FBXL3: variants seen among roughly 807,000 people sequenced by gnomAD.
FBXL3 encodes F-box and leucine rich repeat protein 3.
FBXL3 carries 14 observed loss-of-function variants against 37.9 expected under a neutral mutation model. That is an observed-to-expected ratio of 0.37 (90% CI 0.24 to 0.58). The LOEUF (loss-of-function observed/expected upper bound fraction) is 0.58, where lower values mean the gene tolerates loss of function less well. Ranked by LOEUF, FBXL3 falls within the 20% of genes least tolerant of loss-of-function variation. FBXL3 has a pLI of 0.74. For missense variants in FBXL3, 327 were observed against 511.1 expected (o/e 0.64, Z 3.47); for synonymous variants, 194 against 180.1 (o/e 1.08, Z -0.62).
rs942217430 is a variant in FBXL3 at position 77,007,003 on chromosome 13, G to A, written c.*142C>T. On this transcript the variant is annotated 3_prime_UTR_variant, in exon 5 of 5. Transcript: ENST00000355619. Reference sequence around the variant, plus strand: ...ACCAAAACTCATTCATGGGTCTTCCGATAAACAATCTTTACATATACTGAC... The same window carrying A: ...ACCAAAACTCATTCATGGGTCTTCCAATAAACAATCTTTACATATACTGAC... The A allele has an allele frequency of 2.3e-5, 32 of 1,418,530 alleles. No individual in the cohort carries two copies. In the East Asian group the frequency reaches 3.5e-4, roughly 16 times the overall value. 87.9% of individuals were successfully genotyped at this position (1,418,530 alleles called of 1,614,324 possible).
At chr13:77,012,598 CAACTATAGGAAATGA>C (rs1408990140) in intron 4 of FBXL3, among the ~76,000 whole-genome samples, 1 of 151,948 alleles carries the variant, frequency 6.6e-6, no homozygotes, top group African/African-American at 2.4e-5. Flanking sequence ...ACAATTATAA[CAACTATAGGAAATGA>C]AAGAAAATTG....
At chr13:77,009,385 G>A (rs1322303776) in intron 4 of FBXL3, 1 of 152,100 alleles carries the variant, frequency 6.6e-6, no homozygotes. Flanking sequence ...TGGAGTACAG[G>A]GGTGTGATCT....
At position 77,012,583 on chromosome 13, in the gene FBXL3, T is replaced by A. The variant is rs955472955; in HGVS notation, c.643+2826A>T. On this transcript the variant is annotated intron_variant, in intron 4 of 4. Transcript: ENST00000355619. Reference sequence around the variant, plus strand: ...AGGCAAACTAACCTAGAGGTCCAGTTACAGACAATTATAACAACTATAGGA... The same window carrying A: ...AGGCAAACTAACCTAGAGGTCCAGTAACAGACAATTATAACAACTATAGGA... 3.9e-5 allele frequency among the ~76,000 whole-genome samples: 6 copies of A among 152,314 alleles called. No individual in the cohort carries two copies. The East Asian group carries it at 9.6e-4, about 24-fold the overall frequency.
At position 77,006,918 on chromosome 13, in the gene FBXL3, A is replaced by G. The variant is rs914723333; in HGVS notation, c.*227T>C. 6.6e-6 allele frequency: 9 copies of G among 1,360,008 alleles called. No homozygotes were observed. The highest frequency in any genetic ancestry group is 8.5e-6 in the Non-Finnish European group (9 of 1,059,160). The allele number at this position is 1,360,008 out of a possible 1,614,324, so 84.2% of individuals were successfully genotyped here. On this transcript the variant is annotated 3_prime_UTR_variant, in exon 5 of 5. Transcript: ENST00000355619. ...ACTGGTTATTTCACATCCGAACCAC[A>G]TTAAAAAAAATTCGGAGATATGACT...
chr13:77,017,656 C>T (rs1393857855), intron 3 of FBXL3: 1 of 152,106 alleles, frequency 6.6e-6, no homozygotes, highest in Non-Finnish European at 1.5e-5. Context: ...ATCAGATTCT[C>T]CTGCCCATTT....
In FBXL3 at chr13:77,005,773, G is replaced by A. The variant is rs972612886; in HGVS notation, c.*1372C>T. 1 of 152,024 alleles carries A rather than the reference G, an allele frequency of 6.6e-6. No individual in the cohort carries two copies. The highest frequency in any genetic ancestry group is 1.5e-5 in the Non-Finnish European group (1 of 67,954). The allele number at this position is 152,024 out of a possible 1,614,324, so 9.4% of individuals were successfully genotyped here. ...AAAAGTCACACCACTGAAAAGAGCC[G>A]CTTTAAGAATTAATGTATTCCACCG... On this transcript the variant is annotated 3_prime_UTR_variant, in exon 5 of 5. Transcript: ENST00000355619.
chr13:77,023,833 C>T (rs901104243), intron 1 of FBXL3, among the ~76,000 whole-genome samples: 4 of 152,194 alleles, frequency 2.6e-5, no homozygotes, highest in African/African-American at 9.7e-5. Context: ...CAGACTTTCT[C>T]CACCCAGTAC....
At chr13:77,022,457 GA>G (rs1329780579) in intron 1 of FBXL3, among the ~76,000 whole-genome samples, 1 of 152,138 alleles carries the variant, frequency 6.6e-6, no homozygotes. Flanking sequence ...ATAGGAGTGA[GA>G]ATCTTATTGT....
rs2034430488 is a variant in FBXL3 at position 77,005,271 on chromosome 13, C to G, written c.*1874G>C. On this transcript the variant is annotated 3_prime_UTR_variant, in exon 5 of 5. Transcript: ENST00000355619. ...AAGTAAAATACAACAGCATTAGTAA[C>G]TTTTTATTCTCAAAGTGATAAAAGC... is the stretch of plus-strand genomic sequence containing the variant. 2 of 152,440 alleles carry G rather than the reference C, an allele frequency of 1.3e-5. No individual in the cohort carries two copies. Among genetic ancestry groups the G allele is most frequent in the Non-Finnish European group, 2.9e-5 (2 of 67,950 alleles). The allele number at this position is 152,440 out of a possible 1,614,324, so 9.4% of individuals were successfully genotyped here.
intron 4 of FBXL3, 55 bp from the exon 5 acceptor site, chr13:77,007,843 A>T (rs1373722126): frequency 3.4e-6 from 5 of 1,469,446 alleles, no homozygotes; most frequent in Non-Finnish European, 4.6e-6. Flanking sequence ...ATCTGTTGAA[A>T]AATTCAATCA....
intron 1 of FBXL3, among the ~76,000 whole-genome samples, chr13:77,024,983 A>AT (rs1412168880): frequency 6.6e-6 from 1 of 152,320 alleles, no homozygotes; most frequent in Non-Finnish European, 1.5e-5. Context: ...AGTTGATTTC[A>AT]TTTATGTATG....
chr13:77,015,749 G>A (rs1181129860), intron 3 of FBXL3, 169 bp from the exon 4 acceptor site: 4 of 400,336 alleles, frequency 1.0e-5, no homozygotes, highest in Admixed American at 4.5e-5. Flanking sequence ...GTAAAAATAG[G>A]TGACTATCTG....
intron 4 of FBXL3, chr13:77,010,865 G>A (rs1160019998): frequency 6.6e-6 from 1 of 152,244 alleles, no homozygotes; most frequent in Non-Finnish European, 1.5e-5. Context: ...CAGCTCTAAT[G>A]TACAGAACAG....
rs2034448463 is a variant in FBXL3, at chr13:77,006,118, T to C, written c.*1027A>G. On this transcript the variant is annotated 3_prime_UTR_variant, in exon 5 of 5. Transcript: ENST00000355619. ...TTAAAATTTGCTGTTTATGCTAGAC[T>C]GTACAATGGTGCTCCCTTTATGATT... The C allele has an allele frequency of 3.9e-5, 6 of 152,722 alleles. No individual in the cohort carries two copies. The South Asian group carries it at 1.2e-3, about 32-fold the overall frequency. 9.5% of individuals were successfully genotyped at this position (152,722 alleles called of 1,614,324 possible). A position where few individuals can be genotyped will look rare whatever the true frequency, so the allele number is the denominator to read the frequency against.
chr13:77,025,448 C>A (rs1243898093), intron 1 of FBXL3, among the ~76,000 whole-genome samples: 1 of 152,072 alleles, frequency 6.6e-6, no homozygotes, highest in East Asian at 1.9e-4. Flanking sequence ...TCCAGGTGGG[C>A]GCGGTGGGCC....
chr13:77,015,665 G>T, intron 3 of FBXL3, 85 bp from the exon 4 acceptor site: 2 of 825,672 alleles, frequency 2.4e-6, no homozygotes, highest in Non-Finnish European at 3.5e-6. Context: ...CAGTTTATCT[G>T]AACCATAATG....
chr13:77,016,387 G>C (rs2034643017), intron 3 of FBXL3: 1 of 152,158 alleles, frequency 6.6e-6, no homozygotes, highest in Non-Finnish European at 1.5e-5. Flanking sequence ...ACTGGGCAAA[G>C]AATCTAGGAG....
chr13:77,008,384 C>T (rs9573976), intron 4 of FBXL3, among the ~76,000 whole-genome samples: 7,937 of 152,268 alleles, frequency 0.052, 374 homozygotes, highest in East Asian at 0.21. Flanking sequence ...AATAACTACT[C>T]AATTCACATT....
In FBXL3 at chr13:77,021,469, A is replaced by T. The variant is rs369980291; in HGVS notation, c.348+44T>A. The T allele has an allele frequency of 1.7e-4, 250 of 1,434,514 alleles. 1 individual carries two copies. The highest frequency in any genetic ancestry group is 2.2e-4 in the Non-Finnish European group (234 of 1,049,834). The allele number at this position is 1,434,514 out of a possible 1,614,324, so 88.9% of individuals were successfully genotyped here. ...ATGTACTGGTTTAGGAAACAAAGCC[A>T]CTAAAAATACTTTATTTTTTAAAAG... On this transcript the variant is annotated intron_variant, in intron 2 of 4. Coordinates refer to ENST00000355619, the MANE Select transcript of FBXL3 (RefSeq NM_012158.4).
Sources: gnomAD v4.1 joint callset for allele counts (sites outside exome capture counted in the v4.1 genomes callset) on GRCh38, gnomAD v4.1.1 for gene constraint, MANE v1.5 for transcripts, NCBI Gene and HGNC (gene_info 2026-07-23, HGNC 2026-07-21) for gene names.